Variants in TAF4B observed in about 807,000 individuals in gnomAD.
TAF4B encodes the protein transcription initiation factor TFIID subunit 4B.
A neutral mutation model predicts 86.4 loss-of-function variants in TAF4B; 38 were observed. That is an observed-to-expected ratio of 0.44 (90% CI 0.34 to 0.58). The LOEUF is 0.58. Among genes scored for constraint, TAF4B ranks in the 20% least tolerant of loss-of-function variants. The pLI, the probability that TAF4B is intolerant of heterozygous loss-of-function variation, is 0.02. For synonymous variants in TAF4B, 388 were observed against 391.2 expected, an observed-to-expected ratio of 0.99 and a Z score of 0.10; for missense variants, 988 against 1,027.6, an observed-to-expected ratio of 0.96 and a Z score of 0.53.
At chr18:26,277,608 A>T (rs1042134330) in intron 5 of TAF4B, among the ~76,000 whole-genome samples, 3 of 151,994 alleles carry the variant, frequency 2.0e-5, no homozygotes, top group Non-Finnish European at 4.4e-5. Flanking sequence ...GAGTATTTGG[A>T]GAATATCTGG....
chr18:26,384,191 C>A (rs772628839), intron 14 of TAF4B, among the ~76,000 whole-genome samples: 1 of 152,134 alleles, frequency 6.6e-6, no homozygotes, highest in Non-Finnish European at 1.5e-5. Context: ...TAGTGTAAAT[C>A]AGGTAGAATC....
At chr18:26,336,375 C>CTTTGGAA (rs1292806621) in intron 13 of TAF4B, among the ~76,000 whole-genome samples, 4 of 152,030 alleles carry the variant, frequency 2.6e-5, no homozygotes, top group African/African-American at 7.2e-5. Flanking sequence ...GTTTTAAAGG[C>CTTTGGAA]CCTTATTGTT....
At chr18:26,245,337 G>C (rs1169895653) in intron 1 of TAF4B, among the ~76,000 whole-genome samples, 1 of 152,152 alleles carries the variant, frequency 6.6e-6, no homozygotes, top group Non-Finnish European at 1.5e-5. Context: ...TTCGTGGTGA[G>C]TGTTAGAGCT....
intron 14 of TAF4B, among the ~76,000 whole-genome samples, chr18:26,373,621 CTCA>C (rs2057421328): frequency 6.6e-6 from 1 of 152,162 alleles, no homozygotes; most frequent in East Asian, 1.9e-4. Context: ...TTATTAGCAT[CTCA>C]TCAATACTGG....
intron 9 of TAF4B, among the ~76,000 whole-genome samples, chr18:26,298,522 G>A (rs970966485): frequency 2.2e-4 from 33 of 149,248 alleles, no homozygotes; most frequent in African/African-American, 8.2e-4. Context: ...GTGAGCCACC[G>A]TGCCCTGCCT....
intron 14 of TAF4B, among the ~76,000 whole-genome samples, chr18:26,359,331 T>C (rs2057313258): frequency 1.3e-5 from 2 of 152,194 alleles, no homozygotes; most frequent in African/African-American, 4.8e-5. Flanking sequence ...GCACTTATAT[T>C]GTTGTGTGCT....
At chr18:26,284,068 AT>A (rs1388591803) in intron 6 of TAF4B, among the ~76,000 whole-genome samples, 6 of 151,890 alleles carry the variant, frequency 4.0e-5, no homozygotes, top group East Asian at 3.9e-4. Context: ...AAAAAAAAAA[AT>A]CTTAGCTATA....
At chr18:26,250,058 CAG>C (rs1568104053) in intron 1 of TAF4B, among the ~76,000 whole-genome samples, 1 of 152,082 alleles carries the variant, frequency 6.6e-6, no homozygotes, top group Non-Finnish European at 1.5e-5. Flanking sequence ...GTTTTTGAAA[CAG>C]GGTCTCACTC....
intron 9 of TAF4B, chr18:26,295,337 G>A: frequency 5.0e-6 from 1 of 199,430 alleles, no homozygotes; most frequent in Non-Finnish European, 1.0e-5. Flanking sequence ...CTAAGTCATT[G>A]GTCCCTAACA....
chr18:26,348,131 T>C (rs1264902014), intron 13 of TAF4B, among the ~76,000 whole-genome samples: 2 of 152,220 alleles, frequency 1.3e-5, no homozygotes, highest in African/African-American at 2.4e-5. Context: ...TTTCCAGAAG[T>C]ACATGGAACA....
intron 12 of TAF4B, among the ~76,000 whole-genome samples, chr18:26,328,337 T>C (rs2057022686): frequency 2.6e-5 from 4 of 151,894 alleles, no homozygotes; most frequent in Admixed American, 2.0e-4. Context: ...TAGTCTCAGC[T>C]ACTCAGGAGG....
chr18:26,332,331 T>G (rs12966209), intron 12 of TAF4B, among the ~76,000 whole-genome samples: 5,151 of 152,328 alleles, frequency 0.034, 123 homozygotes, highest in East Asian at 0.049. Flanking sequence ...TTATCTTCTT[T>G]CCAGTCAGTC....
rs913729382 is a variant in TAF4B, at chr18:26,335,363, G to C, written c.2316+132G>C. 7 of 736,916 alleles carry C rather than the reference G, an allele frequency of 9.5e-6. No homozygotes were observed. The African/African-American group carries it at 1.1e-4, about 11-fold the overall frequency. 45.6% of individuals were successfully genotyped at this position (736,916 alleles called of 1,614,324 possible). ...GAAGCCTTGGGGAAGGACAGGAACT[G>C]CTAAAGGCAAGGGCAGTACTTCAAA... On this transcript the variant is annotated intron_variant, in intron 13 of 14. Transcript: ENST00000269142.
intron 3 of TAF4B, among the ~76,000 whole-genome samples, chr18:26,270,666 G>A (rs1598743802): frequency 1.3e-5 from 2 of 152,256 alleles, no homozygotes; most frequent in Non-Finnish European, 2.9e-5. Flanking sequence ...GTGAATTCAG[G>A]TGAAGGGGAA....
intron 1 of TAF4B, among the ~76,000 whole-genome samples, chr18:26,238,627 A>G (rs534947444): frequency 1.3e-5 from 2 of 152,038 alleles, no homozygotes; most frequent in East Asian, 3.9e-4. Context: ...TCTAGGGTAC[A>G]TGTGCACAAT....
intron 5 of TAF4B, among the ~76,000 whole-genome samples, chr18:26,277,025 G>C (rs2056392020): frequency 6.6e-6 from 1 of 152,072 alleles, no homozygotes; most frequent in African/African-American, 2.4e-5. Flanking sequence ...GACTCCCCAA[G>C]GCATTTTGTT....
chr18:26,267,570 G>T lies in TAF4B; in HGVS notation c.544G>T (p.Ala182Ser), dbSNP rs567210583. 5.0e-6 allele frequency: 8 copies of T among 1,614,092 alleles called. No individual in the cohort carries two copies. In the African/African-American group the frequency reaches 5.3e-5, roughly 11 times the overall value. Residue 182 changes from alanine (A) to serine (S), a missense_variant, in exon 3 of 15, where the codon GCA (alanine) becomes TCA (serine). Transcript: ENST00000269142. ...KVAVTPVKKL[A>S]QIGTTVVTTV... ...GGCAGTGACACCTGTTAAAAAATTGGCACAAATAGGAACTACTGTGGTAAC... is the reference window on the plus strand; with the variant it reads ...GGCAGTGACACCTGTTAAAAAATTGTCACAAATAGGAACTACTGTGGTAAC...
chr18:26,360,470 T>C (rs1341003740), intron 14 of TAF4B, among the ~76,000 whole-genome samples: 1 of 152,238 alleles, frequency 6.6e-6, no homozygotes, highest in African/African-American at 2.4e-5. Context: ...TAAAAGTTTT[T>C]ATTTTTCCTT....
In TAF4B at chr18:26,226,974, C is replaced by G; in HGVS notation, c.41C>G (p.Pro14Arg). 1 of 1,391,114 alleles carries G rather than the reference C, an allele frequency of 7.2e-7. No homozygotes were observed. Among genetic ancestry groups the G allele is most frequent in the Non-Finnish European group, 9.2e-7 (1 of 1,083,842 alleles). 86.2% of individuals were successfully genotyped at this position (1,391,114 alleles called of 1,614,324 possible). ...GLTEPAGAAP[P>R]AAVSASGTVT... is the part of the protein sequence containing the mutation. Reference sequence around the variant, plus strand: ...ACCGAACCCGCCGGCGCCGCTCCCCCGGCTGCTGTGAGCGCCTCGGGGACC... The same window carrying G: ...ACCGAACCCGCCGGCGCCGCTCCCCGGGCTGCTGTGAGCGCCTCGGGGACC... The change falls in exon 1 of 15, where the codon CCG becomes CGG. Residue 14 changes from proline to arginine, a missense_variant. This residue lies in a region of TAF4B where 747 missense variants were observed against 737.9 expected (regional missense o/e 1.01). Transcript: ENST00000269142.
Sources: allele counts gnomAD v4.1 joint callset (sites outside exome capture counted in the v4.1 genomes callset), GRCh38; gene constraint gnomAD v4.1.1; regional missense constraint gnomAD v4.1.1; transcripts MANE v1.5; gene names NCBI Gene and HGNC (gene_info 2026-07-23, HGNC 2026-07-21).